AP3D1: variants seen among roughly 807,000 people sequenced by gnomAD.
AP3D1 encodes adaptor related protein complex 3 subunit delta 1.
A neutral mutation model predicts 147.6 loss-of-function variants in AP3D1; 51 were observed. The observed-to-expected ratio is 0.35, with a 90% CI of 0.28 to 0.44. The LOEUF (loss-of-function observed/expected upper bound fraction) is 0.44, where lower values mean the gene tolerates loss of function less well. Among genes scored for constraint, AP3D1 ranks in the 20% least tolerant of loss-of-function variants. AP3D1 has a pLI of 1.00. For missense variants in AP3D1, 1,421 were observed against 1,624.2 expected (o/e 0.87, Z 2.15); for synonymous variants, 760 against 663.0 (o/e 1.15, Z -2.25).
In AP3D1 at chr19:2,121,253, G is replaced by A; in HGVS notation, c.1160C>T (p.Ala387Val). The change falls in exon 13 of 32, where the codon GCA (alanine) becomes GTA (valine). Residue 387 changes from alanine (A) to valine (V), a missense_variant. Transcript: ENST00000643116. ...CTCGTCACGGTAGGTGGTACCCTCT[G>A]CCTTGTCTACGTGGGTCATCAGCTT... ...VKKLMTHVDK[A>V]EGTTYRDELL... 6.2e-7 allele frequency: 1 copy of A among 1,614,196 alleles called. No homozygotes were observed. The highest frequency in any genetic ancestry group is 1.1e-5 in the South Asian group (1 of 91,082).
chr19:2,115,933 G>C (rs2018434842), intron 18 of AP3D1, among the ~76,000 whole-genome samples: 2 of 152,280 alleles, frequency 1.3e-5, no homozygotes, highest in African/African-American at 4.8e-5. Flanking sequence ...CTCAAGCCCA[G>C]AGTGAGGCAG....
At chr19:2,120,716 A>G in intron 14 of AP3D1, 146 bp downstream of exon 14, 1 of 714,454 alleles carries the variant, frequency 1.4e-6, no homozygotes, top group South Asian at 1.8e-5. Flanking sequence ...GTCAGGGGAC[A>G]GGTGCTGGAA....
chr19:2,131,847 A>C (rs74176381), intron 5 of AP3D1, among the ~76,000 whole-genome samples: 147 of 123,528 alleles, frequency 1.2e-3, no homozygotes, highest in African/African-American at 2.4e-3. Flanking sequence ...ACGCGGGGAC[A>C]GCGCCCATCG....
In AP3D1 at chr19:2,110,149, G is replaced by A. The variant is rs938929196; in HGVS notation, c.3251C>T (p.Ser1084Phe). 4 of 1,613,042 alleles carry A rather than the reference G, an allele frequency of 2.5e-6. No individual in the cohort carries two copies. The highest frequency in any genetic ancestry group is 2.2e-5 in the East Asian group (1 of 44,880). ...AGCCCTGCATACCTTGGCAATGAAG[G>A]ACAGGGTCCCCTTGAGCTTCTGCGC... is the stretch of plus-strand genomic sequence containing the variant. ...VMAQKLKGTLSFIAKNDEGAT... is the reference protein window; with the variant it reads ...VMAQKLKGTLFFIAKNDEGAT... Residue 1084 changes from serine (S) to phenylalanine (F), a missense_variant, in exon 28 of 32, where the codon TCC becomes TTC. By Grantham distance (155) the Ser-to-Phe change is radical. Coordinates refer to ENST00000643116, the MANE Select transcript of AP3D1 (RefSeq NM_001261826.3).
chr19:2,131,473 G>A (rs1369053315), intron 5 of AP3D1, among the ~76,000 whole-genome samples: 1 of 143,686 alleles, frequency 7.0e-6, no homozygotes, highest in South Asian at 2.2e-4. Flanking sequence ...CATCGGCCAC[G>A]ATCTAGACAC....
chr19:2,156,052 CA>C (rs66864687), upstream of AP3D1, among the ~76,000 whole-genome samples: 57,139 of 114,790 alleles, frequency 0.5, 11,429 homozygotes, highest in Middle Eastern at 0.58. Flanking sequence ...GACTCCGTCT[CA>C]AAAAAAAAAA....
chr19:2,122,138 TTG>T (rs1207773384), intron 11 of AP3D1, among the ~76,000 whole-genome samples: 1 of 152,072 alleles, frequency 6.6e-6, no homozygotes, highest in Non-Finnish European at 1.5e-5. Context: ...TACTACCACG[TTG>T]TAGTAGCTGC....
At chr19:2,111,991 G>C in intron 24 of AP3D1, 163 bp from the exon 25 acceptor site, 1 of 1,117,856 alleles carries the variant, frequency 8.9e-7, no homozygotes, top group East Asian at 2.5e-5. Context: ...GACAAGCTCA[G>C]GCCAGACCAG....
intron 15 of AP3D1, among the ~76,000 whole-genome samples, chr19:2,117,733 C>T (rs1049158730): frequency 6.6e-6 from 1 of 152,264 alleles, no homozygotes; most frequent in Non-Finnish European, 1.5e-5. Flanking sequence ...GCAGCTCCAA[C>T]AGTGACCATG....
intron 26 of AP3D1, 70 bp downstream of exon 26, chr19:2,111,215 G>C: frequency 6.3e-7 from 1 of 1,586,518 alleles, no homozygotes; most frequent in East Asian, 2.2e-5. Flanking sequence ...GGGCTGCCCG[G>C]GTTCCGCGCG....
intron 1 of AP3D1, among the ~76,000 whole-genome samples, chr19:2,140,274 G>A (rs1350795773): frequency 3.3e-5 from 5 of 152,116 alleles, no homozygotes; most frequent in Non-Finnish European, 5.9e-5. Flanking sequence ...GTTCCTCCAC[G>A]GTTCCATGTG....
At position 2,118,754 on chromosome 19, in the gene AP3D1, G is replaced by A. The variant is rs772736345; in HGVS notation, c.1560C>T (p.Ala520=). Residue 520 remains alanine, a synonymous_variant, in exon 15 of 32, where the codon GCC becomes GCT. Coordinates refer to ENST00000643116, the MANE Select transcript of AP3D1 (RefSeq NM_001261826.3). Reference sequence around the variant, plus strand: ...GCTTGACCACGTTCTGCACATACACGGCCTGGATGTGGCCTGGCAGCGTGG... The same window carrying A: ...GCTTGACCACGTTCTGCACATACACAGCCTGGATGTGGCCTGGCAGCGTGG... ...RVTTLPGHIQ[A]VYVQNVVKLY... 47 of 1,613,694 alleles carry A rather than the reference G, an allele frequency of 2.9e-5. No individual in the cohort carries two copies. The highest frequency in any genetic ancestry group is 4.5e-5 in the East Asian group (2 of 44,894).
intron 1 of AP3D1, among the ~76,000 whole-genome samples, chr19:2,149,173 T>G (rs1339018718): frequency 6.6e-6 from 1 of 152,152 alleles, no homozygotes; most frequent in Non-Finnish European, 1.5e-5. Context: ...CTGCGTGTCC[T>G]GCCTGAAATC....
At chr19:2,114,422 A>T in intron 21 of AP3D1, 120 bp from the exon 22 acceptor site, 1 of 846,176 alleles carries the variant, frequency 1.2e-6, no homozygotes, top group East Asian at 2.5e-5. Context: ...CCCTGGCCCC[A>T]GCCATGGCCC....
At chr19:2,162,292 TC>T (rs1358472554) in intron 1 of AP3D1, among the ~76,000 whole-genome samples, 1 of 148,958 alleles carries the variant, frequency 6.7e-6, no homozygotes, top group African/African-American at 2.5e-5. Flanking sequence ...CGCCTCGGCC[TC>T]CCAAAGTGTT....
In AP3D1 at chr19:2,101,382, C is replaced by T. The variant is rs1247238308; in HGVS notation, c.*791G>A. On this transcript the variant is annotated 3_prime_UTR_variant, in exon 32 of 32. Transcript: ENST00000643116. ...CAGGTCCGCTGCTTCCAGGCCCTGCCTGGGCCTTCCTAAGGGTGCTGGGAA... is the reference window on the plus strand; with the variant it reads ...CAGGTCCGCTGCTTCCAGGCCCTGCTTGGGCCTTCCTAAGGGTGCTGGGAA... 6.6e-6 allele frequency: 1 copy of T among 152,250 alleles called. No homozygotes were observed. The highest frequency in any genetic ancestry group is 1.5e-5 in the Non-Finnish European group (1 of 68,062). The allele number at this position is 152,250 out of a possible 1,614,324, so 9.4% of individuals were successfully genotyped here.
chr19:2,154,220 A>G (rs112059841), upstream of AP3D1, among the ~76,000 whole-genome samples: 2,407 of 151,358 alleles, frequency 0.016, 28 homozygotes, highest in Middle Eastern at 0.028. Flanking sequence ...AAGTGCTGGA[A>G]TTACAGGTGT....
chr19:2,151,256 T>TA lies in AP3D1; in HGVS notation c.78dup (p.Asn27Ter). The TA allele has an allele frequency of 6.2e-7, 1 of 1,611,540 alleles. No individual in the cohort carries two copies. The highest frequency in any genetic ancestry group is 8.5e-7 in the Non-Finnish European group (1 of 1,178,788). On this transcript the variant is annotated frameshift_variant, in exon 1 of 32. Transcript: ENST00000643116. LOFTEE classifies it high-confidence loss of function. Reference sequence around the variant, plus strand: ...GGGCTCACCTCGTCCTCCTTGTGGTTACGGATGCCGCGGACCAAGTCCTGC... The same window carrying TA: ...GGGCTCACCTCGTCCTCCTTGTGGTTAACGGATGCCGCGGACCAAGTCCTGC...
intron 15 of AP3D1, among the ~76,000 whole-genome samples, chr19:2,117,891 G>A (rs2018503670): frequency 6.6e-6 from 1 of 152,250 alleles, no homozygotes; most frequent in African/African-American, 2.4e-5. Context: ...CAGGTGCGAT[G>A]GTTCACACCC....
Sources: allele counts gnomAD v4.1 joint callset (sites outside exome capture counted in the v4.1 genomes callset), GRCh38; gene constraint gnomAD v4.1.1; transcripts MANE v1.5; gene names NCBI Gene and HGNC (gene_info 2026-07-23, HGNC 2026-07-21).